Variants in ALDH3A1 observed in about 807,000 individuals in gnomAD.
ALDH3A1 encodes aldehyde dehydrogenase 3 family member A1, also known as aldehyde dehydrogenase, dimeric NADP-preferring.
A neutral mutation model predicts 49.9 loss-of-function variants in ALDH3A1; 46 were observed. The observed-to-expected ratio is 0.92, with a 90% CI of 0.73 to 1.18. ALDH3A1 has a LOEUF of 1.18. Ranked by LOEUF, ALDH3A1 falls within the 50% of genes most tolerant of loss-of-function variation. ALDH3A1 has a pLI of 0.00. For synonymous variants in ALDH3A1, 269 were observed against 253.3 expected, an observed-to-expected ratio of 1.06 and a Z score of -0.59; for missense variants, 592 against 611.8, an observed-to-expected ratio of 0.97 and a Z score of 0.34.
chr17:19,740,588 G>A, intron 6 of ALDH3A1, 111 bp from the exon 7 acceptor site: 1 of 1,254,144 alleles, frequency 8.0e-7, no homozygotes, highest in Admixed American at 2.3e-5. Context: ...GATTCTGGGT[G>A]GAGCTTTTTT....
At chr17:19,747,246 C>T (rs1249727436) in intron 1 of ALDH3A1, among the ~76,000 whole-genome samples, 1 of 152,172 alleles carries the variant, frequency 6.6e-6, no homozygotes, top group African/African-American at 2.4e-5. Flanking sequence ...AGGCTGACCC[C>T]TAATCCCAGG....
At chr17:19,742,429 C>T in intron 4 of ALDH3A1, 116 bp downstream of exon 4, 1 of 1,267,034 alleles carries the variant, frequency 7.9e-7, no homozygotes, top group South Asian at 1.4e-5. Context: ...CAATCCTCAG[C>T]CCCACCAGTA....
intron 2 of ALDH3A1, 68 bp downstream of exon 2, chr17:19,744,900 A>ACCCCCCCCCCCC: frequency 1.5e-5 from 4 of 270,616 alleles, no homozygotes; most frequent in South Asian, 4.5e-5. Context: ...CACTCTCCCC[A>ACCCCCCCCCCCC]GCCCCTCCCC....
rs200539114 is a variant in ALDH3A1, at chr17:19,738,393, C to T, written c.1277G>A (p.Arg426His). The T allele has an allele frequency of 1.3e-5, 21 of 1,613,672 alleles. No individual in the cohort carries two copies. Among genetic ancestry groups the T allele is most frequent in the East Asian group, 2.2e-5 (1 of 44,884 alleles). Residue 426 changes from arginine (R) to histidine (H), a missense_variant, in exon 10 of 11, where the codon CGC becomes CAC. Arg to His is a conservative substitution (Grantham distance 29). Transcript: ENST00000225740. ...KKSFETFSHR[R>H]SCLVRPLMND... ...CATCAGAGGCCTCACCAGGCAAGAG[C>T]GGCGGTGAGAGAAAGTCTCGAAGCT...
intron 5 of ALDH3A1, 57 bp downstream of exon 5, chr17:19,741,947 T>G (rs2086499498): frequency 1.7e-5 from 26 of 1,537,070 alleles, no homozygotes; most frequent in Non-Finnish European, 2.1e-5. Context: ...GGTGCAGTCA[T>G]GTGTGCTTGG....
In ALDH3A1 at chr17:19,739,670, G is replaced by C; in HGVS notation, c.954C>G (p.Pro318=). The change falls in exon 8 of 11, where the codon CCC becomes CCG. Residue 318 remains proline (P), a synonymous_variant. Coordinates refer to ENST00000225740, the MANE Select transcript of ALDH3A1 (RefSeq NM_000691.5). The stretch of plus-strand genomic sequence containing the variant: ...GGGGGTCCACGTCCGTGAGGATGGT[G>C]GGGGCTGAGGCAGGAAACAAGCCAG... ...TGDAATRYIA[P]TILTDVDPQS... The C allele has an allele frequency of 6.2e-7, 1 of 1,613,472 alleles. No homozygotes were observed. Among genetic ancestry groups the C allele is most frequent in the Non-Finnish European group, 8.5e-7 (1 of 1,179,770 alleles).
Position 19,743,589 on chromosome 17 carries a change from G to A in ALDH3A1, c.163-126C>T. ...ACTCACCCAGCCCAGGGTGGGGGCAGCCGCAGAAGGCTCCCAGGGGAAGCA... is the reference window on the plus strand; with the variant it reads ...ACTCACCCAGCCCAGGGTGGGGGCAACCGCAGAAGGCTCCCAGGGGAAGCA... On this transcript the variant is annotated intron_variant, in intron 2 of 10. Transcript: ENST00000225740. The surrounding 1 kb of genome is among the most constrained non-coding windows in gnomAD (Gnocchi z 4.4). 6.9e-7 allele frequency: 1 copy of A among 1,459,830 alleles called. No individual in the cohort carries two copies. The highest frequency in any genetic ancestry group is 1.4e-5 in the South Asian group (1 of 70,520). The allele number at this position is 1,459,830 out of a possible 1,614,324, so 90.4% of individuals were successfully genotyped here. A position where few individuals can be genotyped will look rare whatever the true frequency, so the allele number is the denominator to read the frequency against.
At chr17:19,742,775 C>T (rs765521546) in intron 3 of ALDH3A1, 145 bp from the exon 4 acceptor site, 58 of 1,539,838 alleles carry the variant, frequency 3.8e-5, no homozygotes, top group Non-Finnish European at 4.4e-5. Context: ...GCACATGTCA[C>T]GGGGCACACC....
At position 19,743,243 on chromosome 17, in the gene ALDH3A1, G is replaced by A. The variant is rs749526257; in HGVS notation, c.383C>T (p.Ala128Val). Residue 128 changes from alanine (A) to valine (V), a missense_variant, in exon 3 of 11, where the codon GCC becomes GTC. Ala to Val is a moderately conservative substitution (Grantham distance 64). Coordinates refer to ENST00000225740, the MANE Select transcript of ALDH3A1 (RefSeq NM_000691.5). This position sits in a 1 kb window ranked among gnomAD's most constrained non-coding sequence, Gnocchi z 4.4. Reference protein sequence around the residue: ...FNLTIQPMVGAIAAGNSVVLK... With the variant: ...FNLTIQPMVGVIAAGNSVVLK... The stretch of plus-strand genomic sequence containing the variant: ...ACAGGGCCATGCACCTGCAGCGATG[G>A]CGCCCACCATGGGCTGGATGGTGAG... 7 of 1,613,622 alleles carry A rather than the reference G, an allele frequency of 4.3e-6. No homozygotes were observed. The South Asian group carries it at 7.7e-5, about 18-fold the overall frequency.
intron 2 of ALDH3A1, 68 bp downstream of exon 2, chr17:19,744,900 A>AGCC (rs1555546866): frequency 0.013 from 3,424 of 271,278 alleles, 244 homozygotes; most frequent in African/African-American, 0.12. Context: ...CACTCTCCCC[A>AGCC]GCCCCTCCCC....
Position 19,743,073 on chromosome 17 carries a change from G to C in ALDH3A1, c.394+159C>G. On this transcript the variant is annotated intron_variant, in intron 3 of 10. Coordinates refer to ENST00000225740, the MANE Select transcript of ALDH3A1 (RefSeq NM_000691.5). The surrounding 1 kb of genome is among the most constrained non-coding windows in gnomAD (Gnocchi z 4.4). ...CCTGACTGGACCTCAGGCACCAAGA[G>C]GCCTGGCTAAACAGCTTGGTCCCCA... The C allele has an allele frequency of 6.5e-7, 1 of 1,534,562 alleles. No individual in the cohort carries two copies. Among genetic ancestry groups the C allele is most frequent in the Non-Finnish European group, 8.7e-7 (1 of 1,146,448 alleles).
In ALDH3A1 at chr17:19,738,471, G is replaced by A; in HGVS notation, c.1217-18C>T. ...GCTGTTCCCTGCGGAGGAGAAGTAA[G>A]CACAGGGCTCAGCATCCTGCCCCCA... On this transcript the variant is annotated intron_variant, in intron 9 of 10. Transcript: ENST00000225740. The A allele has an allele frequency of 6.2e-7, 1 of 1,602,454 alleles. No homozygotes were observed. The highest frequency in any genetic ancestry group is 2.2e-5 in the East Asian group (1 of 44,544).
chr17:19,742,124 G>A lies in ALDH3A1; in HGVS notation c.569C>T (p.Thr190Met), dbSNP rs780443108. ...CGTCATGATGATCTTCCCCACCCCC[G>A]TGCTGCCCGTGTACAGGATATGGTC... The part of the protein sequence containing the change: ...RFDHILYTGS[T>M]GVGKIIMTAA... Residue 190 changes from threonine to methionine, a missense_variant, in exon 5 of 11, where the codon ACG becomes ATG. By Grantham distance (81) the Thr-to-Met change is moderately conservative. Transcript: ENST00000225740. 52 of 1,613,874 alleles carry A rather than the reference G, an allele frequency of 3.2e-5. No individual in the cohort carries two copies. The highest frequency in any genetic ancestry group is 3.7e-5 in the Non-Finnish European group (44 of 1,180,012).
At chr17:19,739,742 C>G in intron 7 of ALDH3A1, 68 bp from the exon 8 acceptor site, 1 of 1,555,342 alleles carries the variant, frequency 6.4e-7, no homozygotes, top group Non-Finnish European at 8.7e-7. Flanking sequence ...GTGCAAGCAC[C>G]TAGACCCCTG....
chr17:19,739,623 T>C lies in ALDH3A1; in HGVS notation c.1001A>G (p.Glu334Gly). 6.2e-7 allele frequency: 1 copy of C among 1,613,916 alleles called. No individual in the cohort carries two copies. The highest frequency in any genetic ancestry group is 8.5e-7 in the Non-Finnish European group (1 of 1,179,956). ...GATGGGCAGCACAGGCCCGAAGATC[T>C]CCTCTTGCATCACCGGGGACTGGGG... ...VDPQSPVMQE[E>G]IFGPVLPIVC... Residue 334 changes from glutamate (E) to glycine (G), a missense_variant, in exon 8 of 11, where the codon GAG (glutamate) becomes GGG (glycine). Transcript: ENST00000225740.
At chr17:19,744,050 G>A in intron 2 of ALDH3A1, 1 of 985,330 alleles carries the variant, frequency 1.0e-6, no homozygotes, top group Non-Finnish European at 1.2e-6. Flanking sequence ...CAACAGAATG[G>A]GTTTCCTTGT....
At chr17:19,742,716 T>C (rs2086520551) in intron 3 of ALDH3A1, 86 bp from the exon 4 acceptor site, 1 of 1,602,020 alleles carries the variant, frequency 6.2e-7, no homozygotes, top group Non-Finnish European at 8.5e-7. Context: ...AAGCCTCCCC[T>C]CCATTGTGTG....
At chr17:19,742,339 G>A in intron 4 of ALDH3A1, 127 bp from the exon 5 acceptor site, 1 of 1,181,352 alleles carries the variant, frequency 8.5e-7, no homozygotes, top group Non-Finnish European at 1.2e-6. Context: ...TGGGCGGGGG[G>A]TAGCAGTAAC....
At chr17:19,739,381 A>C in intron 8 of ALDH3A1, 127 bp downstream of exon 8, 1 of 1,158,582 alleles carries the variant, frequency 8.6e-7, no homozygotes, top group Non-Finnish European at 1.2e-6. Flanking sequence ...GACGAGGTGA[A>C]AGGAGCTCAG....
Sources: allele counts gnomAD v4.1 joint callset (sites outside exome capture counted in the v4.1 genomes callset), GRCh38; gene constraint gnomAD v4.1.1; non-coding constraint Gnocchi (gnomAD v3.1); transcripts MANE v1.5; gene names NCBI Gene and HGNC (gene_info 2026-07-23, HGNC 2026-07-21).